EVPLL: variants seen among roughly 807,000 people sequenced by gnomAD.
EVPLL encodes the protein envoplakin like, also known as envoplakin-like protein.
In EVPLL, 39 loss-of-function variants were observed where a neutral mutation model predicts 46.2. That is an observed-to-expected ratio of 0.84 (90% CI 0.65 to 1.10). The LOEUF (loss-of-function observed/expected upper bound fraction) is 1.10. Ranked by LOEUF, EVPLL falls within the 50% of genes least tolerant of loss-of-function variation. The pLI, the probability that EVPLL is intolerant of heterozygous loss-of-function variation, is 0.00. For missense variants in EVPLL, 385 were observed against 412.6 expected (o/e 0.93, Z 0.58); for synonymous variants, 156 against 165.8 (o/e 0.94, Z 0.46).
At chr17:18,386,993 C>T (rs1987786680) in intron 9 of EVPLL, among the ~76,000 whole-genome samples, 1 of 151,292 alleles carries the variant, frequency 6.6e-6, no homozygotes, top group African/African-American at 2.4e-5. Flanking sequence ...CTCCTGGGTT[C>T]ATGCCATTCT....
At chr17:18,383,846 G>A in intron 9 of EVPLL, 1 of 437,056 alleles carries the variant, frequency 2.3e-6, no homozygotes, top group Middle Eastern at 6.7e-4. Context: ...GGTGGCACGC[G>A]CCTGTAATCC....
At position 18,377,884 on chromosome 17, in the gene EVPLL, C is replaced by A; in HGVS notation, c.-136C>A. The A allele has an allele frequency of 1.9e-6, 2 of 1,073,734 alleles. No individual in the cohort carries two copies. Among genetic ancestry groups the A allele is most frequent in the Non-Finnish European group, 1.3e-6 (1 of 746,350 alleles). The allele number at this position is 1,073,734 out of a possible 1,614,324, so 66.5% of individuals were successfully genotyped here. On this transcript the variant is annotated 5_prime_UTR_variant, in exon 1 of 11. Coordinates refer to ENST00000399134, the MANE Select transcript of EVPLL (RefSeq NM_001145127.2). ...CCTGAGCCAGCACCTGCCTTTATGACCATGTTCAAGGGACTGAGCAAAGGC... is the reference window on the plus strand; with the variant it reads ...CCTGAGCCAGCACCTGCCTTTATGAACATGTTCAAGGGACTGAGCAAAGGC...
At position 18,381,310 on chromosome 17, in the gene EVPLL, GC is replaced by G; in HGVS notation, c.64-56del. 1 of 1,490,076 alleles carries G rather than the reference GC, an allele frequency of 6.7e-7. No individual in the cohort carries two copies. The highest frequency in any genetic ancestry group is 8.9e-7 in the Non-Finnish European group (1 of 1,117,778). The allele number at this position is 1,490,076 out of a possible 1,614,324, so 92.3% of individuals were successfully genotyped here. ...GTGGGGCTCAGGCCCACAATGATGG[GC>G]AGCAGGGGTGTGGGGGCTCTGGACC... On this transcript the variant is annotated intron_variant, in intron 2 of 10. Coordinates refer to ENST00000399134, the MANE Select transcript of EVPLL (RefSeq NM_001145127.2). This position sits in a 1 kb window ranked among gnomAD's most constrained non-coding sequence, Gnocchi z 4.2.
At chr17:18,378,322 G>C (rs1987449543) in intron 1 of EVPLL, among the ~76,000 whole-genome samples, 1 of 152,208 alleles carries the variant, frequency 6.6e-6, no homozygotes. Context: ...GGACACAGGA[G>C]AGCCTGGTTG....
At chr17:18,382,467 T>C (rs1987610619) in intron 4 of EVPLL, 46 bp from the exon 5 acceptor site, 1 of 1,548,314 alleles carries the variant, frequency 6.5e-7, no homozygotes, top group Non-Finnish European at 8.7e-7. Flanking sequence ...GTTCTCTGGC[T>C]CTCCACCCTG....
At position 18,381,708 on chromosome 17, in the gene EVPLL, C is replaced by T. The variant is rs758899567; in HGVS notation, c.324C>T (p.Gly108=). 6.2e-7 allele frequency: 1 copy of T among 1,614,200 alleles called. No homozygotes were observed. The highest frequency in any genetic ancestry group is 8.5e-7 in the Non-Finnish European group (1 of 1,180,042). ...GACGTGGGATCCAAGGTCGACTGGG[C>T]ACACGTGCTGGAGCAGAAACAGGTC... is the stretch of plus-strand genomic sequence containing the variant. ...PPRRGIQGRL[G]TRAGAETEAG... The change falls in exon 4 of 11, where the codon GGC becomes GGT. Residue 108 remains glycine (G), a synonymous_variant. Coordinates refer to ENST00000399134, the MANE Select transcript of EVPLL (RefSeq NM_001145127.2). This position sits in a 1 kb window ranked among gnomAD's most constrained non-coding sequence, Gnocchi z 4.2.
At position 18,381,001 on chromosome 17, in the gene EVPLL, G is replaced by A. The variant is rs1226261890; in HGVS notation, c.63+1G>A. On this transcript the variant is annotated splice_donor_variant, in intron 2 of 10. Coordinates refer to ENST00000399134, the MANE Select transcript of EVPLL (RefSeq NM_001145127.2). LOFTEE classifies it high-confidence loss of function. This position sits in a 1 kb window ranked among gnomAD's most constrained non-coding sequence, Gnocchi z 4.2. ...GGAGACGCAGAAGAGGCTGCAGCAG[G>A]TGAGAACCCGGCAGCAGTTGGCAGG... 1 of 1,583,182 alleles carries A rather than the reference G, an allele frequency of 6.3e-7. No homozygotes were observed. The highest frequency in any genetic ancestry group is 8.6e-7 in the Non-Finnish European group (1 of 1,165,522).
intron 1 of EVPLL, chr17:18,380,607 C>T (rs907653425): frequency 2.5e-4 from 67 of 270,914 alleles, no homozygotes; most frequent in Admixed American, 1.9e-4. Context: ...TGGGTGGGGT[C>T]GGGAACTCAC....
chr17:18,379,686 G>A (rs1987496142), intron 1 of EVPLL, among the ~76,000 whole-genome samples: 1 of 152,220 alleles, frequency 6.6e-6, no homozygotes, highest in South Asian at 2.1e-4. Context: ...TGCATGCCAG[G>A]ACTGTTCTAG....
chr17:18,381,786 T>G lies in EVPLL; in HGVS notation c.346+56T>G. 2 of 1,612,168 alleles carry G rather than the reference T, an allele frequency of 1.2e-6. No individual in the cohort carries two copies. The highest frequency in any genetic ancestry group is 1.1e-5 in the South Asian group (1 of 91,008). On this transcript the variant is annotated intron_variant, in intron 4 of 10. Transcript: ENST00000399134. This position sits in a 1 kb window ranked among gnomAD's most constrained non-coding sequence, Gnocchi z 4.2. ...ATCAGAGGGTGATACGGAACTGCAT[T>G]TAACCCAGGGCCTGACTGTAGGCTT...
Position 18,382,604 on chromosome 17 carries a change from A to C in EVPLL, c.438A>C (p.Arg146=). The C allele has an allele frequency of 6.4e-7, 1 of 1,551,878 alleles. No homozygotes were observed. Among genetic ancestry groups the C allele is most frequent in the Non-Finnish European group, 8.7e-7 (1 of 1,147,046 alleles). The part of the protein sequence containing the change: ...GAQHRAEGDQ[R]PRRAAAEPGG... The stretch of plus-strand genomic sequence containing the variant: ...AACATCGTGCAGAAGGAGATCAACG[A>C]CCAAGGAGAGCAGCTGCGGAGCCTG... The change falls in exon 5 of 11, where the codon CGA becomes CGC. Residue 146 remains arginine, a synonymous_variant. Coordinates refer to ENST00000399134, the MANE Select transcript of EVPLL (RefSeq NM_001145127.2).
At position 18,383,152 on chromosome 17, in the gene EVPLL, G is replaced by C; in HGVS notation, c.639G>C (p.Met213Ile). ...TGCAGCAGGACTGGAGCGACCTCAT[G>C]GCCGACCCTGCGGGCGTGCGGCGGG... ...RILQQDWSDL[M>I]ADPAGVRREY... Residue 213 changes from methionine to isoleucine, a missense_variant, in exon 7 of 11, where the codon ATG (methionine) becomes ATC (isoleucine). Transcript: ENST00000399134. The C allele has an allele frequency of 6.4e-7, 1 of 1,552,444 alleles. No individual in the cohort carries two copies. Among genetic ancestry groups the C allele is most frequent in the Non-Finnish European group, 8.7e-7 (1 of 1,155,042 alleles).
chr17:18,380,202 G>A (rs1987514725), intron 1 of EVPLL: 1 of 152,366 alleles, frequency 6.6e-6, no homozygotes, highest in South Asian at 2.1e-4. Flanking sequence ...GGTGCTCTAT[G>A]GAGGCTGCAG....
In EVPLL at chr17:18,380,982, G is replaced by A. The variant is rs577988098; in HGVS notation, c.45G>A (p.Thr15=). ...ADQVERDILE[T]QKRLQQDRLN... is the part of the protein sequence containing the mutation. ...AGGTGGAGCGGGACATCCTGGAGAC[G>A]CAGAAGAGGCTGCAGCAGGTGAGAA... Residue 15 remains threonine, a synonymous_variant, in exon 2 of 11, where the codon ACG becomes ACA. Coordinates refer to ENST00000399134, the MANE Select transcript of EVPLL (RefSeq NM_001145127.2). 1.6e-4 allele frequency: 250 copies of A among 1,594,084 alleles called. No individual in the cohort carries two copies. The South Asian group carries it at 1.6e-3, about 10-fold the overall frequency.
intron 9 of EVPLL, among the ~76,000 whole-genome samples, chr17:18,385,923 A>C (rs1164112364): frequency 6.6e-6 from 1 of 152,160 alleles, no homozygotes; most frequent in African/African-American, 2.4e-5. Flanking sequence ...ACCCAGCAAA[A>C]GATCCCATAG....
Position 18,381,019 on chromosome 17 carries a change from T to G in EVPLL, c.63+19T>G. 6.4e-7 allele frequency: 1 copy of G among 1,567,186 alleles called. No individual in the cohort carries two copies. The highest frequency in any genetic ancestry group is 1.9e-5 in the Admixed American group (1 of 53,022). ...GCAGCAGGTGAGAACCCGGCAGCAGTTGGCAGGGTGTGGGCAGGCTGGGTG... is the reference window on the plus strand; with the variant it reads ...GCAGCAGGTGAGAACCCGGCAGCAGGTGGCAGGGTGTGGGCAGGCTGGGTG... On this transcript the variant is annotated intron_variant, in intron 2 of 10. Transcript: ENST00000399134. The surrounding 1 kb of genome is among the most constrained non-coding windows in gnomAD (Gnocchi z 4.2).
In EVPLL at chr17:18,381,474, C is replaced by T; in HGVS notation, c.171C>T (p.Asp57=). 1 of 1,613,862 alleles carries T rather than the reference C, an allele frequency of 6.2e-7. No homozygotes were observed. The highest frequency in any genetic ancestry group is 8.5e-7 in the Non-Finnish European group (1 of 1,179,992). Residue 57 remains aspartate (D), a synonymous_variant, in exon 3 of 11, where the codon GAC becomes GAT. Coordinates refer to ENST00000399134, the MANE Select transcript of EVPLL (RefSeq NM_001145127.2). This position sits in a 1 kb window ranked among gnomAD's most constrained non-coding sequence, Gnocchi z 4.2. ...VLLKDLFLDV[D]KARRLKHPQA... is the part of the protein sequence containing the mutation. The stretch of plus-strand genomic sequence containing the variant: ...TCAAGGACCTCTTCCTGGACGTGGA[C>T]AAGGCCCGGCGGCTCAAGCACCCGC...
chr17:18,383,110 G>T lies in EVPLL; in HGVS notation c.597G>T (p.Glu199Asp). 6.5e-7 allele frequency: 1 copy of T among 1,549,626 alleles called. No homozygotes were observed. Among genetic ancestry groups the T allele is most frequent in the Non-Finnish European group, 8.7e-7 (1 of 1,153,906 alleles). Residue 199 changes from glutamate to aspartate, a missense_variant, in exon 7 of 11, where the codon GAG becomes GAT. By Grantham distance (45) the Glu-to-Asp change is conservative. Transcript: ENST00000399134. ...GCTWQLSALA[E>D]QQRRILQQDW... ...CGTGGCAGCTGAGCGCCCTGGCGGA[G>T]CAGCAGCGCCGCATCCTGCAGCAGG...
At chr17:18,388,515 A>G in intron 10 of EVPLL, 1 of 428,240 alleles carries the variant, frequency 2.3e-6, no homozygotes, top group Non-Finnish European at 4.4e-6. Flanking sequence ...TGGCTCAGGA[A>G]TAGGCCCAGA....
Sources: gnomAD v4.1 joint callset for allele counts (sites outside exome capture counted in the v4.1 genomes callset) on GRCh38, gnomAD v4.1.1 for gene constraint, Gnocchi (gnomAD v3.1) non-coding constraint, MANE v1.5 for transcripts, NCBI Gene and HGNC (gene_info 2026-07-23, HGNC 2026-07-21) for gene names.